The following BRCA1 variants were observed in gnomAD, a reference collection of about 807,000 sequenced individuals.
The protein encoded by BRCA1 is BRCA1 DNA repair associated.
Under a neutral mutation model 173.7 loss-of-function variants are expected in BRCA1, and 140 were observed. The ratio of observed to expected loss-of-function variants is 0.81; its 90% CI spans 0.70 to 0.93. The LOEUF (loss-of-function observed/expected upper bound fraction) is 0.93. Ranked by LOEUF, BRCA1 falls within the 40% of genes least tolerant of loss-of-function variation. The pLI is 0.00. For synonymous variants in BRCA1, 662 were observed against 756.0 expected, an observed-to-expected ratio of 0.88 and a Z score of 2.04; for missense variants, 1,983 against 2,172.5, an observed-to-expected ratio of 0.91 and a Z score of 1.73.
intron 3 of BRCA1, among the ~76,000 whole-genome samples, chr17:43,113,093 G>A (rs958923857): frequency 6.6e-6 from 1 of 152,086 alleles, no homozygotes; most frequent in Non-Finnish European, 1.5e-5. Flanking sequence ...GTGAGCCACC[G>A]TGCCCGGCCT....
At chr17:43,117,801 A>G (rs548758718) in intron 2 of BRCA1, among the ~76,000 whole-genome samples, 10 of 152,218 alleles carry the variant, frequency 6.6e-5, no homozygotes, top group Admixed American at 1.3e-4. Flanking sequence ...TCCCATCCCT[A>G]CCTGTCTATC....
At chr17:43,070,251 T>C (rs1420535697) in intron 15 of BRCA1, among the ~76,000 whole-genome samples, 4 of 152,020 alleles carry the variant, frequency 2.6e-5, no homozygotes, top group Non-Finnish European at 5.9e-5. Context: ...ATTTTTATTA[T>C]GAAGTGATGA....
At chr17:43,155,050 C>T (rs2056187973) in intron 1 of BRCA1, among the ~76,000 whole-genome samples, 1 of 152,156 alleles carries the variant, frequency 6.6e-6, no homozygotes, top group Non-Finnish European at 1.5e-5. Flanking sequence ...TCAGATAGGT[C>T]AAGGTGCTAA....
intron 15 of BRCA1, among the ~76,000 whole-genome samples, chr17:43,068,497 G>A (rs2052245952): frequency 6.6e-6 from 1 of 150,920 alleles, no homozygotes; most frequent in Non-Finnish European, 1.5e-5. Flanking sequence ...GACTGCTTGA[G>A]CTCAAGAGTC....
intron 18 of BRCA1, among the ~76,000 whole-genome samples, chr17:43,061,949 T>G (rs1314665460): frequency 1.3e-5 from 2 of 152,174 alleles, no homozygotes; most frequent in African/African-American, 2.4e-5. Context: ...AGATGGCTGT[T>G]CTGAAATTAT....
intron 12 of BRCA1, among the ~76,000 whole-genome samples, chr17:43,081,129 T>C (rs145938998): frequency 1.3e-5 from 2 of 152,230 alleles, no homozygotes; most frequent in African/African-American, 4.8e-5. Flanking sequence ...CACACAATAA[T>C]AACATTTTAA....
chr17:43,149,805 T>C (rs549661717), intron 1 of BRCA1, among the ~76,000 whole-genome samples: 8 of 152,226 alleles, frequency 5.3e-5, no homozygotes, highest in Admixed American at 1.3e-4. Flanking sequence ...TTTTTTGTTT[T>C]TGAGACGGAG....
chr17:43,110,173 C>T (rs376145469), intron 3 of BRCA1, among the ~76,000 whole-genome samples: 24 of 152,124 alleles, frequency 1.6e-4, no homozygotes, highest in African/African-American at 4.6e-4. Flanking sequence ...GGATTACAGG[C>T]GTGAGCCACC....
chr17:43,126,017 A>C (rs2055862939), upstream of BRCA1, among the ~76,000 whole-genome samples: 1 of 152,158 alleles, frequency 6.6e-6, no homozygotes, highest in South Asian at 2.1e-4. Flanking sequence ...TGAAAGCAGA[A>C]ACTAGGCCTT....
chr17:43,070,766 T>C (rs2052344824), intron 15 of BRCA1, among the ~76,000 whole-genome samples, 162 bp downstream of exon 15: 1 of 152,258 alleles, frequency 6.6e-6, no homozygotes. Context: ...TTTATCTAGA[T>C]CTAAATTTTC....
chr17:43,115,834 A>T (rs763395672), intron 2 of BRCA1, 55 bp from the exon 3 acceptor site: 1 of 1,530,106 alleles, frequency 6.5e-7, no homozygotes, highest in Non-Finnish European at 8.9e-7. Context: ...TAATTTATTT[A>T]AAAATAAAGC....
intron 3 of BRCA1, among the ~76,000 whole-genome samples, chr17:43,114,282 G>C (rs915702902): frequency 6.6e-6 from 1 of 152,030 alleles, no homozygotes; most frequent in Non-Finnish European, 1.5e-5. Flanking sequence ...TGTTACTCAA[G>C]CTGACAAGAA....
intron 1 of BRCA1, chr17:43,144,824 C>T: frequency 2.3e-6 from 1 of 434,492 alleles, no homozygotes; most frequent in East Asian, 5.9e-5. Context: ...AGTTCGAGAC[C>T]AGCCTGGCCA....
chr17:43,130,116 A>C (rs577513434), upstream of BRCA1, among the ~76,000 whole-genome samples: 2 of 152,280 alleles, frequency 1.3e-5, no homozygotes, highest in African/African-American at 4.8e-5. Flanking sequence ...AGTGCATTAC[A>C]TTGTCAAAAA....
At chr17:43,125,051 C>G (rs1260069940) in intron 1 of BRCA1, 1 of 430,756 alleles carries the variant, frequency 2.3e-6, no homozygotes, top group Non-Finnish European at 4.7e-6. Context: ...ACGAGGATTC[C>G]CCCACGGACA....
intron 2 of BRCA1, 40 bp from the exon 3 acceptor site, chr17:43,115,819 C>T (rs756327180): frequency 1.3e-6 from 2 of 1,567,038 alleles, no homozygotes; most frequent in South Asian, 1.1e-5. Context: ...ATAAATGAGG[C>T]TCAATAATTT....
At chr17:43,047,960 G>A (rs1309564260) in intron 21 of BRCA1, among the ~76,000 whole-genome samples, 2 of 152,126 alleles carry the variant, frequency 1.3e-5, no homozygotes, top group African/African-American at 4.8e-5. Context: ...TTTTGGTAGA[G>A]ACAGGGTTTT....
At chr17:43,045,916 A>G in intron 22 of BRCA1, 114 bp from the exon 23 acceptor site, 1 of 1,366,550 alleles carries the variant, frequency 7.3e-7, no homozygotes, top group Non-Finnish European at 1.0e-6. Flanking sequence ...AATGAGGTAG[A>G]AGCTAATTTT....
intron 1 of BRCA1, among the ~76,000 whole-genome samples, chr17:43,135,225 T>C (rs1193000619): frequency 6.6e-6 from 1 of 152,238 alleles, no homozygotes; most frequent in Non-Finnish European, 1.5e-5. Context: ...CAGCCGTTGC[T>C]TCAGCCTCGG....
Sources: allele counts gnomAD v4.1 joint callset (sites outside exome capture counted in the v4.1 genomes callset), GRCh38; gene constraint gnomAD v4.1.1; transcripts MANE v1.5; gene names NCBI Gene and HGNC (gene_info 2026-07-23, HGNC 2026-07-21).